The following RUNX1 variants were observed in gnomAD, a reference collection of about 807,000 sequenced individuals.
RUNX1 encodes the protein runt-related transcription factor 1.
In RUNX1, 19 loss-of-function variants were observed where a neutral mutation model predicts 42.8. The ratio of observed to expected loss-of-function variants is 0.44; its 90% CI spans 0.31 to 0.65. RUNX1 has a LOEUF of 0.65. RUNX1 is among the 30% of genes least tolerant of loss of function. The pLI, the probability that RUNX1 is intolerant of heterozygous loss-of-function variation, is 0.07. For missense variants in RUNX1, 528 were observed against 672.0 expected (o/e 0.79, Z 2.37); for synonymous variants, 271 against 289.4 (o/e 0.94, Z 0.64).
In RUNX1 at chr21:34,949,005, C is replaced by T. The variant is rs1286506883; in HGVS notation, c.59-56042G>A. Among the ~76,000 whole-genome samples, 4 of 152,134 alleles carry T rather than the reference C, an allele frequency of 2.6e-5. No individual in the cohort carries two copies. In the East Asian group the frequency reaches 5.8e-4, roughly 22 times the overall value. ...TCCTGACCTCGTAATCTGCCCACCT[C>T]GGCCTCCCAAAGTGCTGGGATTACA... On this transcript the variant is annotated intron_variant, in intron 2 of 8. Transcript: ENST00000675419.
intron 3 of RUNX1, 51 bp from the exon 4 acceptor site, chr21:34,887,147 A>T: frequency 1.9e-6 from 3 of 1,590,418 alleles, no homozygotes; most frequent in Non-Finnish European, 2.6e-6. Flanking sequence ...CCCTGCAAAC[A>T]GCTCCTACCA....
chr21:35,003,656 C>T (rs748377639), intron 2 of RUNX1, among the ~76,000 whole-genome samples: 4 of 152,192 alleles, frequency 2.6e-5, no homozygotes, highest in Admixed American at 1.3e-4. Flanking sequence ...ACAGCTTTAT[C>T]TCCAAGCTCA....
intron 6 of RUNX1, among the ~76,000 whole-genome samples, chr21:34,853,030 G>C (rs2057445530): frequency 6.6e-6 from 1 of 152,174 alleles, no homozygotes; most frequent in Non-Finnish European, 1.5e-5. Context: ...GAAACCCTTT[G>C]TTAAAGGGGG....
At chr21:34,903,816 G>C (rs2058196290) in intron 2 of RUNX1, among the ~76,000 whole-genome samples, 1 of 152,120 alleles carries the variant, frequency 6.6e-6, no homozygotes, top group African/African-American at 2.4e-5. Context: ...TTCTTGTGGG[G>C]TCATGAAATT....
intron 2 of RUNX1, among the ~76,000 whole-genome samples, chr21:34,981,852 A>G (rs1313526109): frequency 6.6e-6 from 1 of 152,074 alleles, no homozygotes; most frequent in East Asian, 1.9e-4. Flanking sequence ...TGGTTCTGAG[A>G]CCGGTCTTTC....
intron 2 of RUNX1, among the ~76,000 whole-genome samples, chr21:34,941,172 C>G (rs971941030): frequency 4.6e-5 from 7 of 152,196 alleles, no homozygotes; most frequent in Non-Finnish European, 1.0e-4. Flanking sequence ...TGTGACAACC[C>G]TGTGTTCCCT....
At chr21:34,984,275 T>A (rs2058868426) in intron 2 of RUNX1, among the ~76,000 whole-genome samples, 1 of 152,162 alleles carries the variant, frequency 6.6e-6, no homozygotes, top group Admixed American at 6.5e-5. Context: ...CATCACAGTG[T>A]GAAAAAGCAA....
intron 2 of RUNX1, among the ~76,000 whole-genome samples, chr21:35,034,322 A>G (rs1449950335): frequency 2.0e-5 from 3 of 152,128 alleles, no homozygotes; most frequent in Non-Finnish European, 4.4e-5. Context: ...GACATGGCTG[A>G]TGGTCTTAAT....
intron 2 of RUNX1, among the ~76,000 whole-genome samples, chr21:34,969,687 A>T (rs1182467230): frequency 6.8e-6 from 1 of 146,882 alleles, no homozygotes; most frequent in African/African-American, 2.5e-5. Context: ...TGCAATGCAT[A>T]AAAAAAAAAC....
At chr21:34,877,508 T>C (rs990805241) in intron 5 of RUNX1, among the ~76,000 whole-genome samples, 1 of 152,084 alleles carries the variant, frequency 6.6e-6, no homozygotes, top group African/African-American at 2.4e-5. Flanking sequence ...TCGATTTACA[T>C]GGAGATACTG....
At position 34,849,305 on chromosome 21, in the gene RUNX1, A is replaced by C. The variant is rs1270071400; in HGVS notation, c.613+10169T>G. 1.0e-4 allele frequency among the ~76,000 whole-genome samples: 5 copies of C among 47,890 alleles called. 1 individual carries two copies. The highest frequency in any genetic ancestry group is 9.1e-4 in the Admixed American group (2 of 2,198). The allele number at this position is 47,890 out of a possible 152,430, so 31.4% of individuals were successfully genotyped here. A position where few individuals can be genotyped will look rare whatever the true frequency, so the allele number is the denominator to read the frequency against. ...ATATATATTATATATAAAATATATA[A>C]TATATATTATATATATATTATATAT... On this transcript the variant is annotated intron_variant, in intron 6 of 8. Coordinates refer to ENST00000675419, the MANE Select transcript of RUNX1 (RefSeq NM_001754.5).
intron 2 of RUNX1, among the ~76,000 whole-genome samples, chr21:35,025,561 G>C (rs1342853310): frequency 6.6e-6 from 1 of 152,174 alleles, no homozygotes; most frequent in East Asian, 1.9e-4. Flanking sequence ...TTTGGCCTGA[G>C]TTTTCCTCCT....
chr21:34,792,333 C>G lies in RUNX1; in HGVS notation c.1245G>C (p.Gln415His). 1.3e-6 allele frequency: 2 copies of G among 1,552,536 alleles called. No individual in the cohort carries two copies. Among genetic ancestry groups the G allele is most frequent in the Non-Finnish European group, 1.7e-6 (2 of 1,148,618 alleles). Residue 415 changes from glutamine to histidine, a missense_variant, in exon 9 of 9, where the codon CAG becomes CAC. Around this residue, in one of 3 missense-constraint regions of RUNX1, gnomAD observed 331 missense variants for 382.5 expected, o/e 0.87. Coordinates refer to ENST00000675419, the MANE Select transcript of RUNX1 (RefSeq NM_001754.5). The surrounding 1 kb of genome is among the most constrained non-coding windows in gnomAD (Gnocchi z 6.9). The stretch of plus-strand genomic sequence containing the variant: ...AGCGCTCGCCGCCCACCATGGAGAA[C>G]TGGTAGGAGCCGGCCGAGGCGCCGT... ...LYYGASAGSY[Q>H]FSMVGGERSP... is the part of the protein sequence containing the mutation.
intron 6 of RUNX1, 118 bp from the exon 7 acceptor site, chr21:34,834,719 T>C: frequency 4.6e-6 from 4 of 867,168 alleles, no homozygotes; most frequent in East Asian, 5.3e-5. Context: ...CCCCTCTCTC[T>C]CCCCTCACCC....
intron 2 of RUNX1, among the ~76,000 whole-genome samples, chr21:35,006,411 T>C (rs983816613): frequency 9.9e-5 from 15 of 152,062 alleles, no homozygotes; most frequent in African/African-American, 3.6e-4. Flanking sequence ...TCTCTCCCCC[T>C]CTCTCTCTTT....
rs3831802 is a variant in RUNX1, at chr21:34,852,169, A to AAAAACAAAAC, written c.613+7295_613+7304dup. ...GGCGAAAGAGCAAGACTCTGTCTCA[A>AAAAACAAAAC]AAAACAAAACAAAACAAAACAAAAC... On this transcript the variant is annotated intron_variant, in intron 6 of 8. Coordinates refer to ENST00000675419, the MANE Select transcript of RUNX1 (RefSeq NM_001754.5). 5.8e-3 allele frequency among the ~76,000 whole-genome samples: 875 copies of AAAAACAAAAC among 151,088 alleles called. 8 individuals are homozygous for AAAAACAAAAC. The highest frequency in any genetic ancestry group is 0.019 in the African/African-American group (775 of 41,116).
intron 2 of RUNX1, among the ~76,000 whole-genome samples, chr21:35,005,719 C>T (rs1197344342): frequency 1.3e-5 from 2 of 152,150 alleles, no homozygotes; most frequent in East Asian, 3.9e-4. Flanking sequence ...GCTATAAATG[C>T]TGTACATGGA....
At chr21:34,879,620 T>C (rs1368983464) in intron 5 of RUNX1, among the ~76,000 whole-genome samples, 2 of 152,234 alleles carry the variant, frequency 1.3e-5, no homozygotes, top group East Asian at 3.8e-4. Flanking sequence ...ATAAGTCTTT[T>C]TATTATACTT....
chr21:34,993,083 G>A (rs1455221703), intron 2 of RUNX1, among the ~76,000 whole-genome samples: 1 of 152,258 alleles, frequency 6.6e-6, no homozygotes, highest in Admixed American at 6.5e-5. Flanking sequence ...CGTGGAAGGT[G>A]CTGGGTGCTT....
Sources: allele counts gnomAD v4.1 joint callset (sites outside exome capture counted in the v4.1 genomes callset), GRCh38; gene constraint gnomAD v4.1.1; regional missense constraint gnomAD v4.1.1; non-coding constraint Gnocchi (gnomAD v3.1); transcripts MANE v1.5; gene names NCBI Gene and HGNC (gene_info 2026-07-23, HGNC 2026-07-21).